SPATA4: variants seen among roughly 807,000 people sequenced by gnomAD.
SPATA4 encodes spermatogenesis associated 4, also known as spermatogenesis-associated protein 4.
SPATA4 carries 35 observed loss-of-function variants against 31.8 expected under a neutral mutation model. The ratio of observed to expected loss-of-function variants is 1.10; its 90% CI spans 0.84 to 1.46. SPATA4 has a LOEUF of 1.46. Among genes scored for constraint, SPATA4 ranks in the 40% most tolerant of loss-of-function variants. The pLI is 0.00. For missense variants in SPATA4, 394 were observed against 363.1 expected, an observed-to-expected ratio of 1.09 and a Z score of -0.69; for synonymous variants, 126 against 132.4, an observed-to-expected ratio of 0.95 and a Z score of 0.33.
intron 5 of SPATA4, among the ~76,000 whole-genome samples, chr4:176,186,211 T>C (rs967348250): frequency 1.3e-5 from 2 of 152,218 alleles, no homozygotes; most frequent in Non-Finnish European, 2.9e-5. Flanking sequence ...TGCATCTCTT[T>C]CTTATACTGG....
At chr4:176,193,951 G>A (rs1752573143) in intron 1 of SPATA4, 2 of 163,604 alleles carry the variant, frequency 1.2e-5, no homozygotes, top group Admixed American at 6.3e-5. Flanking sequence ...CAGTTACCTT[G>A]GGTCAATCAC....
chr4:176,186,877 C>T (rs1188727889), intron 5 of SPATA4, among the ~76,000 whole-genome samples: 3 of 151,884 alleles, frequency 2.0e-5, no homozygotes, highest in Non-Finnish European at 4.4e-5. Context: ...CTCTCAAAGA[C>T]TCTATGTAAA....
intron 1 of SPATA4, 141 bp downstream of exon 1, chr4:176,195,204 T>A (rs756652102): frequency 7.5e-6 from 5 of 664,966 alleles, no homozygotes; most frequent in Non-Finnish European, 1.3e-5. Flanking sequence ...TCCCTAATAG[T>A]GTTTTCGTGT....
At chr4:176,192,584 G>T (rs1752547478) in intron 4 of SPATA4, 43 bp downstream of exon 4, 1 of 1,528,430 alleles carries the variant, frequency 6.5e-7, no homozygotes, top group South Asian at 1.1e-5. Context: ...AGAATAGCCT[G>T]ATAGAGCTTG....
rs1411306792 is a variant in SPATA4, at chr4:176,193,622, A to C, written c.219-40T>G. ...TTAGGAAATGAAATAAAGTGTAGTTAATTATGCAGTTTGTATTATTTTATA... is the reference window on the plus strand; with the variant it reads ...TTAGGAAATGAAATAAAGTGTAGTTCATTATGCAGTTTGTATTATTTTATA... On this transcript the variant is annotated intron_variant, in intron 1 of 5. Transcript: ENST00000280191. 1.2e-5 allele frequency: 19 copies of C among 1,539,278 alleles called. No individual in the cohort carries two copies. The Middle Eastern group carries it at 6.4e-4, about 52-fold the overall frequency.
At chr4:176,185,474 GC>G (rs1752426273) in intron 5 of SPATA4, among the ~76,000 whole-genome samples, 2 of 152,004 alleles carry the variant, frequency 1.3e-5, no homozygotes, top group African/African-American at 4.8e-5. Flanking sequence ...ATTAATTTTG[GC>G]CCCCCTGTTT....
chr4:176,188,300 G>A, intron 4 of SPATA4, 65 bp from the exon 5 acceptor site: 3 of 1,024,698 alleles, frequency 2.9e-6, no homozygotes, highest in Non-Finnish European at 4.4e-6. Flanking sequence ...AAAATAAGAT[G>A]CCATAATTTA....
intron 5 of SPATA4, 81 bp downstream of exon 5, chr4:176,188,038 T>C: frequency 2.0e-6 from 2 of 1,007,748 alleles, no homozygotes; most frequent in Non-Finnish European, 3.2e-6. Flanking sequence ...ATTTTAACTA[T>C]TTAACCGTTT....
chr4:176,186,332 G>C (rs544729467), intron 5 of SPATA4, among the ~76,000 whole-genome samples: 64 of 152,190 alleles, frequency 4.2e-4, no homozygotes, highest in Admixed American at 1.5e-3. Context: ...TAATCATAAG[G>C]GGAACGAGGC....
rs767344225 is a variant in SPATA4 at position 176,195,416 on chromosome 4, G to C, written c.147C>G (p.Ser49=). 2.5e-6 allele frequency: 4 copies of C among 1,614,238 alleles called. No homozygotes were observed. The highest frequency in any genetic ancestry group is 2.5e-6 in the Non-Finnish European group (3 of 1,180,048). The change falls in exon 1 of 6, where the codon TCC becomes TCG. Residue 49 remains serine (S), a synonymous_variant. Coordinates refer to ENST00000280191, the MANE Select transcript of SPATA4 (RefSeq NM_144644.4). ...AACGCAGAACGGAACGAGACAAGCG[G>C]GAGCTCTTCGGCGCATGCGGATAGA... ...CLVYPHAPKS[S]RLSRSVLRWL...
At chr4:176,190,249 G>A (rs548830280) in intron 4 of SPATA4, among the ~76,000 whole-genome samples, 1 of 152,052 alleles carries the variant, frequency 6.6e-6, no homozygotes, top group African/African-American at 2.4e-5. Flanking sequence ...AAGACGATAG[G>A]GGGGTGGTCT....
chr4:176,189,788 G>A (rs943963477), intron 4 of SPATA4, among the ~76,000 whole-genome samples: 2 of 152,140 alleles, frequency 1.3e-5, no homozygotes, highest in Non-Finnish European at 2.9e-5. Flanking sequence ...TTCTTCATAT[G>A]GATTGCAGAT....
intron 2 of SPATA4, 120 bp from the exon 3 acceptor site, chr4:176,193,196 G>A (rs562826626): frequency 1.9e-4 from 145 of 777,166 alleles, no homozygotes; most frequent in Non-Finnish European, 2.6e-4. Context: ...TGTTTAACAC[G>A]TTAGTTATTA....
Position 176,195,544 on chromosome 4 carries a change from C to G in SPATA4, c.19G>C (p.Glu7Gln), listed in dbSNP as rs753063507. Residue 7 changes from glutamate to glutamine, a missense_variant, in exon 1 of 6, where the codon GAA becomes CAA. Coordinates refer to ENST00000280191, the MANE Select transcript of SPATA4 (RefSeq NM_144644.4). MAAAGQEKGYLTQTAAA... is the reference protein window; with the variant it reads MAAAGQQKGYLTQTAAA... Reference sequence around the variant, plus strand: ...GCAGTCTGTGTCAAATACCCTTTTTCCTGGCCGGCGGCAGCCATGACGCTT... The same window carrying G: ...GCAGTCTGTGTCAAATACCCTTTTTGCTGGCCGGCGGCAGCCATGACGCTT... 6.2e-7 allele frequency: 1 copy of G among 1,614,190 alleles called. No individual in the cohort carries two copies. The highest frequency in any genetic ancestry group is 1.7e-5 in the Admixed American group (1 of 60,030).
chr4:176,191,456 G>C (rs562193852), intron 4 of SPATA4, among the ~76,000 whole-genome samples: 1 of 152,328 alleles, frequency 6.6e-6, no homozygotes, highest in East Asian at 1.9e-4. Context: ...TCTTGGAAGG[G>C]AATGTGGAGA....
At chr4:176,195,289 G>A in intron 1 of SPATA4, 56 bp downstream of exon 1, 1 of 1,581,584 alleles carries the variant, frequency 6.3e-7, no homozygotes, top group Non-Finnish European at 8.7e-7. Context: ...CTGGCAGGCG[G>A]CGGAAAGCAG....
chr4:176,188,333 T>C, intron 4 of SPATA4, 98 bp from the exon 5 acceptor site: 1 of 779,902 alleles, frequency 1.3e-6, no homozygotes, highest in Non-Finnish European at 2.0e-6. Context: ...ATTATTTAAA[T>C]TTCTGTTTAT....
chr4:176,193,664 T>C (rs1752568909), intron 1 of SPATA4, 82 bp from the exon 2 acceptor site: 5 of 1,324,642 alleles, frequency 3.8e-6, no homozygotes, highest in Non-Finnish European at 5.0e-6. Context: ...ACTAGTCTAA[T>C]ATTCCATACT....
At chr4:176,189,913 GCT>G (rs1011421145) in intron 4 of SPATA4, among the ~76,000 whole-genome samples, 1 of 152,192 alleles carries the variant, frequency 6.6e-6, no homozygotes, top group African/African-American at 2.4e-5. Context: ...CAAGAGCTGA[GCT>G]CTCTGAGTGA....
Sources: gnomAD v4.1 joint callset for allele counts (sites outside exome capture counted in the v4.1 genomes callset) on GRCh38, gnomAD v4.1.1 for gene constraint, MANE v1.5 for transcripts, NCBI Gene and HGNC (gene_info 2026-07-23, HGNC 2026-07-21) for gene names.